The following JAK1 variants were observed in gnomAD, a reference collection of about 807,000 sequenced individuals.
JAK1 encodes Janus kinase 1.
Under a neutral mutation model 136.6 loss-of-function variants are expected in JAK1, and 16 were observed. The observed-to-expected ratio is 0.12, with a 90% confidence interval of 0.08 to 0.18. JAK1 has a LOEUF of 0.18. JAK1 is among the 10% of genes least tolerant of loss of function. JAK1 has a pLI of 1.00. For missense variants in JAK1, 859 were observed against 1,450.1 expected, an observed-to-expected ratio of 0.59 and a Z score of 6.62; for synonymous variants, 492 against 519.5, an observed-to-expected ratio of 0.95 and a Z score of 0.72.
At chr1:64,876,177 G>C (rs1290737873) in intron 4 of JAK1, 1 of 152,234 alleles carries the variant, frequency 6.6e-6, no homozygotes, top group Non-Finnish European at 1.5e-5. Context: ...TGCCAGGGGA[G>C]GTGGCAGGAG....
chr1:65,011,600 A>G (rs1343243204), intron 2 of JAK1, among the ~76,000 whole-genome samples: 1 of 152,210 alleles, frequency 6.6e-6, no homozygotes, highest in Non-Finnish European at 1.5e-5. Flanking sequence ...CCACTGACAT[A>G]TCGAAGGTTA....
intron 1 of JAK1, among the ~76,000 whole-genome samples, chr1:64,939,427 T>C (rs754079340): frequency 5.3e-5 from 8 of 152,230 alleles, no homozygotes; most frequent in South Asian, 4.1e-4. Flanking sequence ...GTTTCACAGT[T>C]TGCAGAAGTT....
chr1:64,839,458 T>C (rs944668715), intron 20 of JAK1, 145 bp downstream of exon 20: 1 of 653,540 alleles, frequency 1.5e-6, no homozygotes, highest in African/African-American at 1.8e-5. Context: ...GACATATGAC[T>C]TGGAAGCCTT....
At chr1:64,947,702 C>T (rs1458141914) in intron 1 of JAK1, among the ~76,000 whole-genome samples, 2 of 150,832 alleles carry the variant, frequency 1.3e-5, no homozygotes, top group Admixed American at 1.3e-4. Flanking sequence ...GGTCCCTGAA[C>T]AAGAATTTTT....
At chr1:64,924,696 C>T (rs775527159) in intron 1 of JAK1, among the ~76,000 whole-genome samples, 25 of 152,310 alleles carry the variant, frequency 1.6e-4, no homozygotes, top group Non-Finnish European at 2.4e-4. Flanking sequence ...GAATCAGTAT[C>T]TTCAGCAAAT....
At chr1:64,865,913 C>A (rs887431247) in intron 7 of JAK1, among the ~76,000 whole-genome samples, 1 of 152,062 alleles carries the variant, frequency 6.6e-6, no homozygotes, top group African/African-American at 2.4e-5. Context: ...GCACGTGCCA[C>A]CACATCCTGC....
intron 1 of JAK1, among the ~76,000 whole-genome samples, chr1:64,950,534 G>A (rs1646067206): frequency 1.3e-5 from 2 of 152,156 alleles, no homozygotes; most frequent in South Asian, 4.1e-4. Context: ...AGGCTGATTA[G>A]TTTGAACAAA....
At chr1:64,915,056 G>T (rs1478029201) in intron 1 of JAK1, among the ~76,000 whole-genome samples, 2 of 152,010 alleles carry the variant, frequency 1.3e-5, no homozygotes, top group Non-Finnish European at 2.9e-5. Context: ...TATTTTACCT[G>T]CCTCTCTTCA....
intron 1 of JAK1, among the ~76,000 whole-genome samples, chr1:64,904,065 T>TA (rs1458376186): frequency 6.6e-6 from 1 of 152,228 alleles, no homozygotes; most frequent in Non-Finnish European, 1.5e-5. Context: ...ACTGAGACAC[T>TA]ACTATGTGTC....
At chr1:64,998,198 G>A (rs1297358271) in intron 2 of JAK1, among the ~76,000 whole-genome samples, 1 of 152,180 alleles carries the variant, frequency 6.6e-6, no homozygotes, top group Non-Finnish European at 1.5e-5. Flanking sequence ...TTATATATTA[G>A]AATGTCTAAT....
intron 6 of JAK1, among the ~76,000 whole-genome samples, chr1:64,868,452 GAGA>G (rs1656847759): frequency 6.6e-6 from 1 of 152,150 alleles, no homozygotes; most frequent in Non-Finnish European, 1.5e-5. Context: ...AACAGAATTA[GAGA>G]AGAACTGTCA....
chr1:64,961,298 T>C (rs1157183204), intron 1 of JAK1, among the ~76,000 whole-genome samples: 4 of 152,224 alleles, frequency 2.6e-5, no homozygotes, highest in African/African-American at 9.7e-5. Context: ...TTCTGGATAG[T>C]TGATAAATGG....
chr1:64,855,721 T>A, intron 10 of JAK1, 23 bp from the exon 11 acceptor site: 1 of 1,602,810 alleles, frequency 6.2e-7, no homozygotes, highest in Non-Finnish European at 8.5e-7. Flanking sequence ...TGACCAGAAA[T>A]TACATGTTTA....
At chr1:64,925,811 G>A (rs1194205356) in intron 1 of JAK1, among the ~76,000 whole-genome samples, 3 of 152,108 alleles carry the variant, frequency 2.0e-5, no homozygotes, top group Non-Finnish European at 4.4e-5. Context: ...CAAGACCCAA[G>A]GTCAAATGCT....
At chr1:65,048,098 T>C (rs1392668097) in intron 1 of JAK1, among the ~76,000 whole-genome samples, 2 of 152,180 alleles carry the variant, frequency 1.3e-5, no homozygotes, top group East Asian at 1.9e-4. Context: ...CTGATGTTGT[T>C]TGCAGGTGGA....
At chr1:64,855,747 TG>T in intron 10 of JAK1, 49 bp from the exon 11 acceptor site, 1 of 1,534,138 alleles carries the variant, frequency 6.5e-7, no homozygotes, top group Non-Finnish European at 9.0e-7. Flanking sequence ...GGGTCAGGCA[TG>T]GGTATGTAAG....
chr1:64,910,631 C>T (rs115544128), intron 1 of JAK1, among the ~76,000 whole-genome samples: 1,979 of 152,164 alleles, frequency 0.013, 33 homozygotes, highest in Non-Finnish European at 0.02. Context: ...GTCAGGAGTT[C>T]GTGACCAGCC....
intron 2 of JAK1, among the ~76,000 whole-genome samples, chr1:64,989,283 C>G (rs1646632326): frequency 6.7e-6 from 1 of 149,496 alleles, no homozygotes; most frequent in Non-Finnish European, 1.5e-5. Context: ...CAAGATCATG[C>G]CACTGCACTC....
At chr1:64,941,010 C>T (rs562715746) in intron 1 of JAK1, among the ~76,000 whole-genome samples, 51 of 152,068 alleles carry the variant, frequency 3.4e-4, no homozygotes, top group Non-Finnish European at 6.8e-4. Context: ...ACTAAAAATA[C>T]AAAATTAGCC....
Sources: gnomAD v4.1 joint callset for allele counts (sites outside exome capture counted in the v4.1 genomes callset) on GRCh38, gnomAD v4.1.1 for gene constraint, MANE v1.5 for transcripts, NCBI Gene and HGNC (gene_info 2026-07-23, HGNC 2026-07-21) for gene names.